COPB2: variants seen among roughly 807,000 people sequenced by gnomAD.
The protein encoded by COPB2 is coat protein complex I subunit beta 2.
A neutral mutation model predicts 120.8 loss-of-function variants in COPB2; 16 were observed. That is an observed-to-expected ratio of 0.13 (90% CI 0.09 to 0.20). The LOEUF is 0.20. Among genes scored for constraint, COPB2 ranks in the 10% least tolerant of loss-of-function variants. The probability of loss-of-function intolerance (pLI) is 1.00; values close to 1 mark genes in which losing one functional copy is unlikely to be tolerated. For synonymous variants in COPB2, 332 were observed against 366.3 expected (o/e 0.91, Z 1.07); for missense variants, 794 against 1,076.5 (o/e 0.74, Z 3.67).
At chr3:139,388,627 T>A (rs1941982548) in intron 1 of COPB2, among the ~76,000 whole-genome samples, 1 of 54,880 alleles carries the variant, frequency 1.8e-5, no homozygotes, top group Non-Finnish European at 7.5e-5. Flanking sequence ...TCATAACAAG[T>A]TTTTTTTTTT....
In COPB2 at chr3:139,361,155, C is replaced by T; in HGVS notation, c.2136G>A (p.Val712=). 1 of 1,614,218 alleles carries T rather than the reference C, an allele frequency of 6.2e-7. No individual in the cohort carries two copies. Among genetic ancestry groups the T allele is most frequent in the African/African-American group, 1.3e-5 (1 of 75,062 alleles). ...LATASGNANM[V]NKLAEGAERD... is the part of the protein sequence containing the mutation. ...TCTCCGCACCCTCTGCTAGCTTGTT[C>T]ACCATATTAGCATTTCCAGAGGCAG... The change falls in exon 17 of 22, where the codon GTG becomes GTA. Residue 712 remains valine, a synonymous_variant. Transcript: ENST00000333188.
chr3:139,371,071 G>A (rs1256358678), intron 10 of COPB2, among the ~76,000 whole-genome samples: 1 of 152,186 alleles, frequency 6.6e-6, no homozygotes, highest in East Asian at 1.9e-4. Context: ...ATTCAGTTGT[G>A]TGGTCTGAAA....
At chr3:139,367,221 G>C (rs560328031) in intron 13 of COPB2, 76 bp from the exon 14 acceptor site, 1 of 1,476,116 alleles carries the variant, frequency 6.8e-7, no homozygotes, top group East Asian at 2.3e-5. Context: ...ATATATCTGA[G>C]GGTGATATGG....
At chr3:139,365,998 A>G (rs755703441) in intron 15 of COPB2, among the ~76,000 whole-genome samples, 4 of 152,184 alleles carry the variant, frequency 2.6e-5, no homozygotes, top group Admixed American at 1.3e-4. Context: ...CAGAGGGGGA[A>G]GTCACAAGAA....
intron 5 of COPB2, among the ~76,000 whole-genome samples, chr3:139,376,952 T>G (rs181078002): frequency 6.6e-6 from 1 of 152,180 alleles, no homozygotes; most frequent in African/African-American, 2.4e-5. Flanking sequence ...GGTTTCACCG[T>G]GTTAGCCAGG....
chr3:139,376,039 C>G (rs1941707897), intron 5 of COPB2, among the ~76,000 whole-genome samples: 1 of 152,164 alleles, frequency 6.6e-6, no homozygotes, highest in South Asian at 2.1e-4. Flanking sequence ...CACTTGAGCC[C>G]AAGAGCTCAA....
At chr3:139,385,956 T>G (rs1941911459) in intron 1 of COPB2, among the ~76,000 whole-genome samples, 1 of 152,230 alleles carries the variant, frequency 6.6e-6, no homozygotes, top group Admixed American at 6.5e-5. Flanking sequence ...TGCTGTGATC[T>G]TCTATGATGA....
intron 3 of COPB2, 39 bp downstream of exon 3, chr3:139,379,341 T>C (rs1399169390): frequency 6.3e-7 from 1 of 1,596,584 alleles, no homozygotes; most frequent in South Asian, 1.1e-5. Context: ...CATTGACCAA[T>C]TCAGAAAATG....
At position 139,367,729 on chromosome 3, in the gene COPB2, A is replaced by G. The variant is rs1384565820; in HGVS notation, c.1545+416T>C. On this transcript the variant is annotated intron_variant, in intron 13 of 21. Transcript: ENST00000333188. ...GAAATCTCATTGTTGGGTCAAAATC[A>G]TGATATAAAAGAATACTGATCTAAA... is the stretch of plus-strand genomic sequence containing the variant. 5.9e-5 allele frequency among the ~76,000 whole-genome samples: 9 copies of G among 152,212 alleles called. 1 individual carries two copies. Among genetic ancestry groups the G allele is most frequent in the Non-Finnish European group, 2.9e-5 (2 of 68,036 alleles).
intron 16 of COPB2, 67 bp downstream of exon 16, chr3:139,362,318 AAACTTTAATAACAAAACATTAC>A: frequency 1.2e-6 from 1 of 803,416 alleles, no homozygotes; most frequent in Non-Finnish European, 1.9e-6. Context: ...GCATTTGGGA[AAACTTTAATAACAAAACATTAC>A]ACCAAACACA....
chr3:139,373,225 T>A lies in COPB2; in HGVS notation c.1082A>T (p.Asn361Ile). The A allele has an allele frequency of 1.2e-6, 2 of 1,613,992 alleles. No homozygotes were observed. Among genetic ancestry groups the A allele is most frequent in the South Asian group, 1.1e-5 (1 of 91,076 alleles). ...CEIYPQTIQHNPNGRFVVVCG... is the reference protein window; with the variant it reads ...CEIYPQTIQHIPNGRFVVVCG... ...GGTGATGGCTTACCGCCCATTAGGA[T>A]TGTGCTGAATAGTCTGAGGGTATAT... is the stretch of plus-strand genomic sequence containing the variant. The change falls in exon 9 of 22, where the codon AAT (asparagine) becomes ATT (isoleucine). Residue 361 changes from asparagine to isoleucine, a missense_variant. Asn to Ile is a moderately radical substitution (Grantham distance 149, BLOSUM62 -3). Coordinates refer to ENST00000333188, the MANE Select transcript of COPB2 (RefSeq NM_004766.3).
chr3:139,383,973 C>T (rs971858672), intron 1 of COPB2, among the ~76,000 whole-genome samples: 2 of 152,102 alleles, frequency 1.3e-5, no homozygotes, highest in Non-Finnish European at 2.9e-5. Context: ...CTGCTTCTGC[C>T]TTCAATATGT....
chr3:139,360,177 C>G (rs560448851), intron 17 of COPB2, among the ~76,000 whole-genome samples: 2 of 118,430 alleles, frequency 1.7e-5, no homozygotes, highest in Non-Finnish European at 3.5e-5. Flanking sequence ...AGTTATATGG[C>G]GAAGTATGGG....
At chr3:139,378,924 T>C (rs1941761622) in intron 4 of COPB2, 123 bp downstream of exon 4, 5 of 999,262 alleles carry the variant, frequency 5.0e-6, no homozygotes, top group Non-Finnish European at 7.2e-6. Context: ...TGGATCTAAA[T>C]AGTTTAAAGG....
rs1336463890 is a variant in COPB2, at chr3:139,389,631, C to G, written c.-81G>C. 7.1e-7 allele frequency: 1 copy of G among 1,400,804 alleles called. No homozygotes were observed. Among genetic ancestry groups the G allele is most frequent in the Non-Finnish European group, 9.8e-7 (1 of 1,022,092 alleles). 86.8% of individuals were successfully genotyped at this position (1,400,804 alleles called of 1,614,324 possible). On this transcript the variant is annotated 5_prime_UTR_variant, in exon 1 of 22. Coordinates refer to ENST00000333188, the MANE Select transcript of COPB2 (RefSeq NM_004766.3). ...GAGATAAACCCACCGATCCACTGAC[C>G]GTCAGACTGACTGACGTGGAACTTC...
chr3:139,388,022 T>C (rs1335629530), intron 1 of COPB2, among the ~76,000 whole-genome samples: 2 of 152,214 alleles, frequency 1.3e-5, no homozygotes, highest in African/African-American at 2.4e-5. Context: ...TCACGTTTTG[T>C]ATTTTCCACA....
intron 6 of COPB2, among the ~76,000 whole-genome samples, 163 bp from the exon 7 acceptor site, chr3:139,374,751 TATGA>T (rs1170718675): frequency 6.6e-6 from 1 of 152,202 alleles, no homozygotes. Context: ...TTGTTGTATA[TATGA>T]ATATTTTATC....
rs1232736701 is a variant in COPB2, at chr3:139,368,269, C to T, written c.1421G>A (p.Gly474Glu). Residue 474 changes from glycine to glutamate, a missense_variant, in exon 13 of 22, where the codon GGA (glycine) becomes GAA (glutamate). By Grantham distance (98) the Gly-to-Glu change is moderately conservative. Coordinates refer to ENST00000333188, the MANE Select transcript of COPB2 (RefSeq NM_004766.3). ...QPKHIFWSDS[G>E]ELVCIATEES... ...CTCAGTAGCAATACAGACTAGCTCT[C>T]CAGAGTCAGACCAGAAAATCTGCAA... 3.1e-6 allele frequency: 5 copies of T among 1,610,088 alleles called. No individual in the cohort carries two copies. Among genetic ancestry groups the T allele is most frequent in the Admixed American group, 1.7e-5 (1 of 59,064 alleles).
intron 17 of COPB2, among the ~76,000 whole-genome samples, chr3:139,360,262 A>G (rs185908782): frequency 2.4e-3 from 363 of 151,752 alleles, no homozygotes; most frequent in African/African-American, 8.0e-3. Context: ...GGTGGCTCAC[A>G]CCTATAATCC....
Sources: gnomAD v4.1 joint callset for allele counts (sites outside exome capture counted in the v4.1 genomes callset) on GRCh38, gnomAD v4.1.1 for gene constraint, MANE v1.5 for transcripts, NCBI Gene and HGNC (gene_info 2026-07-23, HGNC 2026-07-21) for gene names.